VWA8: variants seen among roughly 807,000 people sequenced by gnomAD.
VWA8 encodes von Willebrand factor A domain-containing protein 8.
A neutral mutation model predicts 241.5 loss-of-function variants in VWA8; 221 were observed. That is an observed-to-expected ratio of 0.91 (90% confidence interval 0.82 to 1.02). VWA8 has a LOEUF of 1.02. Among genes scored for constraint, VWA8 ranks in the 50% least tolerant of loss-of-function variants. VWA8 has a pLI of 0.00. For missense variants in VWA8, 2,322 were observed against 2,328.7 expected, an observed-to-expected ratio of 1.00 and a Z score of 0.06; for synonymous variants, 852 against 827.1, an observed-to-expected ratio of 1.03 and a Z score of -0.52.
chr13:41,823,853 T>C (rs867032195), intron 14 of VWA8, among the ~76,000 whole-genome samples: 2 of 152,304 alleles, frequency 1.3e-5, no homozygotes, highest in African/African-American at 2.4e-5. Context: ...AGAAGCCAAA[T>C]ATAATTGTTT....
At chr13:41,703,055 AC>A (rs2045260126) in intron 27 of VWA8, among the ~76,000 whole-genome samples, 1 of 152,190 alleles carries the variant, frequency 6.6e-6, no homozygotes, top group East Asian at 1.9e-4. Context: ...CAAGACAAAT[AC>A]CACAGAGCAA....
intron 18 of VWA8, among the ~76,000 whole-genome samples, chr13:41,784,145 A>G (rs1262670894): frequency 3.5e-5 from 5 of 142,132 alleles, no homozygotes; most frequent in Non-Finnish European, 7.6e-5. Context: ...GTGAGAAACT[A>G]AAAAAAAAAA....
At chr13:41,575,678 T>C in intron 43 of VWA8, 62 bp downstream of exon 43, 2 of 1,242,666 alleles carry the variant, frequency 1.6e-6, no homozygotes. Context: ...CAATGAATCC[T>C]TTTAGTCTTT....
At chr13:41,853,085 G>GA (rs1236289425) in intron 12 of VWA8, among the ~76,000 whole-genome samples, 6 of 152,176 alleles carry the variant, frequency 3.9e-5, no homozygotes, top group Admixed American at 6.5e-5. Flanking sequence ...TTTGGAAACA[G>GA]AAAAAAGTTT....
intron 4 of VWA8, 127 bp from the exon 5 acceptor site, chr13:41,891,714 T>G: frequency 9.7e-7 from 1 of 1,028,570 alleles, no homozygotes; most frequent in Non-Finnish European, 1.4e-6. Context: ...AAAGCTGAGT[T>G]CCAGATCTTG....
chr13:41,672,098 T>A (rs570553156), intron 36 of VWA8, among the ~76,000 whole-genome samples: 41 of 152,288 alleles, frequency 2.7e-4, no homozygotes, highest in African/African-American at 9.6e-4. Flanking sequence ...CACACGCTAA[T>A]GAGTGAGTAC....
chr13:41,721,707 G>A, intron 24 of VWA8, 132 bp from the exon 25 acceptor site: 1 of 880,634 alleles, frequency 1.1e-6, no homozygotes, highest in Non-Finnish European at 1.7e-6. Context: ...ACAATAGGAT[G>A]GTACAGAGAA....
intron 26 of VWA8, chr13:41,719,308 A>G: frequency 3.3e-6 from 4 of 1,199,800 alleles, no homozygotes; most frequent in Admixed American, 4.2e-5. Flanking sequence ...AGTAATACGC[A>G]TAGTAATTCA....
intron 4 of VWA8, among the ~76,000 whole-genome samples, chr13:41,902,345 T>C (rs927284405): frequency 6.6e-6 from 1 of 152,196 alleles, no homozygotes. Context: ...CATTATACAT[T>C]ATAAACATAT....
At chr13:41,834,128 CA>C (rs1312431970) in intron 12 of VWA8, among the ~76,000 whole-genome samples, 1 of 152,206 alleles carries the variant, frequency 6.6e-6, no homozygotes, top group Non-Finnish European at 1.5e-5. Context: ...GAAACAATAG[CA>C]TAGCACTTAA....
At chr13:41,716,493 A>G (rs1434951966) in intron 26 of VWA8, among the ~76,000 whole-genome samples, 1 of 152,098 alleles carries the variant, frequency 6.6e-6, no homozygotes, top group Non-Finnish European at 1.5e-5. Flanking sequence ...TCAGTTGAGG[A>G]AGAAGGTGCT....
chr13:41,665,567 TTAAG>T (rs71200191), intron 37 of VWA8, among the ~76,000 whole-genome samples: 8,603 of 152,060 alleles, frequency 0.057, 471 homozygotes, highest in African/African-American at 0.15. Context: ...ATTAAGTACA[TTAAG>T]TAAGTACTTA....
At chr13:41,767,516 T>C (rs1010993852) in intron 20 of VWA8, among the ~76,000 whole-genome samples, 1 of 152,220 alleles carries the variant, frequency 6.6e-6, no homozygotes, top group African/African-American at 2.4e-5. Context: ...AAATTTCTTA[T>C]TTTCCAAATT....
At chr13:41,636,729 AC>A (rs1392183818) in intron 37 of VWA8, among the ~76,000 whole-genome samples, 35 of 152,240 alleles carry the variant, frequency 2.3e-4, no homozygotes, top group African/African-American at 7.7e-4. Context: ...CAAGAAAAAA[AC>A]AACCCCATCA....
chr13:41,568,606 A>G (rs1177070448), intron 44 of VWA8, among the ~76,000 whole-genome samples: 1 of 152,204 alleles, frequency 6.6e-6, no homozygotes, highest in Admixed American at 6.5e-5. Flanking sequence ...TTGGTATTTC[A>G]TATTCTTTTG....
chr13:41,694,108 T>C (rs2045198739), intron 29 of VWA8, among the ~76,000 whole-genome samples: 1 of 151,990 alleles, frequency 6.6e-6, no homozygotes, highest in African/African-American at 2.4e-5. Context: ...GAGGAGCTTA[T>C]ATTTAATATA....
intron 26 of VWA8, among the ~76,000 whole-genome samples, chr13:41,706,497 G>A (rs1036740475): frequency 6.6e-5 from 10 of 152,142 alleles, no homozygotes; most frequent in African/African-American, 2.2e-4. Context: ...GCTCTAGGCT[G>A]GCCAAACTGA....
In VWA8 at chr13:41,960,893, C is replaced by A; in HGVS notation, c.123G>T (p.Pro41=). Residue 41 remains proline (P), a synonymous_variant, in exon 1 of 45, where the codon CCG becomes CCT. Coordinates refer to ENST00000379310, the MANE Select transcript of VWA8 (RefSeq NM_015058.2). ...QRRPGGDRQR[P]EVRLLHAGSG... is the part of the protein sequence containing the mutation. Reference sequence around the variant, plus strand: ...AGCCGGCGTGCAACAGTCTGACCTCCGGCCGCTGCCTGTCGCCACCCGGCC... The same window carrying A: ...AGCCGGCGTGCAACAGTCTGACCTCAGGCCGCTGCCTGTCGCCACCCGGCC... 6.6e-7 allele frequency: 1 copy of A among 1,513,796 alleles called. No homozygotes were observed. The allele number at this position is 1,513,796 out of a possible 1,614,324, so 93.8% of individuals were successfully genotyped here.
At chr13:41,779,051 C>A (rs1868767926) in intron 19 of VWA8, among the ~76,000 whole-genome samples, 1 of 150,692 alleles carries the variant, frequency 6.6e-6, no homozygotes. Flanking sequence ...CCGTGTTAGC[C>A]AGGATGGTCT....
Sources: gnomAD v4.1 joint callset for allele counts (sites outside exome capture counted in the v4.1 genomes callset) on GRCh38, gnomAD v4.1.1 for gene constraint, MANE v1.5 for transcripts, NCBI Gene and HGNC (gene_info 2026-07-23, HGNC 2026-07-21) for gene names.